Variants in SLC35D2 observed in about 807,000 individuals in gnomAD.
SLC35D2 encodes nucleotide sugar transporter SLC35D2.
In SLC35D2, 43 loss-of-function variants were observed where a neutral mutation model predicts 41.8. That is an observed-to-expected ratio of 1.03 (90% confidence interval 0.81 to 1.33). SLC35D2 has a LOEUF of 1.33. SLC35D2 is among the 40% of genes most tolerant of loss of function. SLC35D2 has a pLI of 0.00. For synonymous variants in SLC35D2, 150 were observed against 163.9 expected (o/e 0.92, Z 0.65); for missense variants, 380 against 408.4 (o/e 0.93, Z 0.60).
intron 4 of SLC35D2, chr9:96,357,635 A>G (rs985935821): frequency 2.0e-5 from 3 of 152,248 alleles, no homozygotes; most frequent in Admixed American, 1.3e-4. Context: ...CTTAGAAGAA[A>G]GTATAGAAGT....
chr9:96,335,453 G>A (rs34496246), intron 9 of SLC35D2, among the ~76,000 whole-genome samples: 20,093 of 152,010 alleles, frequency 0.13, 1,785 homozygotes, highest in East Asian at 0.29. Context: ...TCCACCTCCT[G>A]GGTTCAAGCG....
intron 1 of SLC35D2, among the ~76,000 whole-genome samples, chr9:96,380,623 A>G (rs1001970429): frequency 5.3e-5 from 8 of 150,800 alleles, no homozygotes; most frequent in African/African-American, 1.9e-4. Flanking sequence ...ATGCCCAGCT[A>G]GTTTTTTTTT....
Position 96,324,125 on chromosome 9 carries a change from G to T in SLC35D2, c.797C>A (p.Ser266Ter). 6.2e-7 allele frequency: 1 copy of T among 1,614,008 alleles called. No homozygotes were observed. The highest frequency in any genetic ancestry group is 8.5e-7 in the Non-Finnish European group (1 of 1,179,936). ...TCCAACCACTGCTGTCGTCAGGGCT[G>T]AATTGTAATAGCTGCACAGAACCGT... ...YSTVLCSYYNSALTTAVVGAI... is the reference protein window; with the variant it reads ...YSTVLCSYYN Residue 266 changes from serine to a stop codon, truncating the protein, a stop_gained, in exon 10 of 12, where the codon TCA (serine) becomes TAA (stop). Transcript: ENST00000253270. LOFTEE classifies it high-confidence loss of function.
At chr9:96,348,457 C>CGTGGATGGG (rs1211185820) in intron 6 of SLC35D2, among the ~76,000 whole-genome samples, 1 of 152,158 alleles carries the variant, frequency 6.6e-6, no homozygotes, top group Non-Finnish European at 1.5e-5. Flanking sequence ...GCGTGGATGG[C>CGTGGATGGG]GTGGATGGGG....
intron 8 of SLC35D2, among the ~76,000 whole-genome samples, chr9:96,343,035 C>T (rs1829405675): frequency 6.6e-6 from 1 of 152,190 alleles, no homozygotes; most frequent in African/African-American, 2.4e-5. Context: ...GGTGGAGGTC[C>T]CGCTGAGGAG....
chr9:96,358,105 T>TAC (rs1830115592), intron 4 of SLC35D2, among the ~76,000 whole-genome samples: 4 of 143,540 alleles, frequency 2.8e-5, no homozygotes, highest in Middle Eastern at 3.6e-3. Flanking sequence ...TATATATATA[T>TAC]ATACCTGCAA....
intron 1 of SLC35D2, among the ~76,000 whole-genome samples, chr9:96,376,534 G>A (rs542255951): frequency 3.9e-5 from 6 of 152,274 alleles, no homozygotes; most frequent in Non-Finnish European, 8.8e-5. Context: ...GCTTAAACAC[G>A]GGAGGTGGAG....
chr9:96,372,199 T>A (rs1830728857), intron 1 of SLC35D2, among the ~76,000 whole-genome samples: 1 of 152,166 alleles, frequency 6.6e-6, no homozygotes, highest in South Asian at 2.1e-4. Context: ...TGAAATAAAG[T>A]CTTTAGATCT....
At chr9:96,341,025 C>T (rs1200521613) in intron 8 of SLC35D2, among the ~76,000 whole-genome samples, 2 of 151,906 alleles carry the variant, frequency 1.3e-5, no homozygotes, top group African/African-American at 4.8e-5. Context: ...AGTGGCTCAC[C>T]CCTGTAATCC....
At chr9:96,351,528 A>G (rs34603378) in intron 5 of SLC35D2, among the ~76,000 whole-genome samples, 3,981 of 152,190 alleles carry the variant, frequency 0.026, 78 homozygotes, top group Middle Eastern at 0.055. Context: ...CTGAACCACC[A>G]ACCAAAATTC....
intron 8 of SLC35D2, among the ~76,000 whole-genome samples, chr9:96,342,329 C>T (rs1829367322): frequency 6.6e-6 from 1 of 152,112 alleles, no homozygotes; most frequent in South Asian, 2.1e-4. Flanking sequence ...GGGGTTTCAT[C>T]ACGTTGGCCA....
intron 10 of SLC35D2, among the ~76,000 whole-genome samples, chr9:96,323,480 T>C (rs1828351888): frequency 1.3e-5 from 2 of 152,220 alleles, no homozygotes; most frequent in African/African-American, 2.4e-5. Context: ...ATCTTGCTAA[T>C]CATTGATACC....
chr9:96,319,988 A>C (rs1047080485), downstream of SLC35D2, among the ~76,000 whole-genome samples: 2 of 152,184 alleles, frequency 1.3e-5, no homozygotes, highest in African/African-American at 4.8e-5. Flanking sequence ...TAGAGACAAG[A>C]TTAGTTAGTC....
intron 1 of SLC35D2, among the ~76,000 whole-genome samples, chr9:96,373,378 CT>C (rs1830792181): frequency 6.6e-6 from 1 of 152,058 alleles, no homozygotes; most frequent in Non-Finnish European, 1.5e-5. Context: ...CTGATATGTC[CT>C]TTTTTTCTTT....
chr9:96,330,958 C>A (rs551151146), intron 9 of SLC35D2, among the ~76,000 whole-genome samples: 1 of 152,284 alleles, frequency 6.6e-6, no homozygotes, highest in African/African-American at 2.4e-5. Context: ...AGTGCAATGG[C>A]ACAGCCTCGG....
chr9:96,320,021 G>A (rs1030932973), downstream of SLC35D2, among the ~76,000 whole-genome samples: 9 of 152,324 alleles, frequency 5.9e-5, no homozygotes, highest in African/African-American at 2.2e-4. Flanking sequence ...CCCAGACTGT[G>A]GCTCTATCCC....
At chr9:96,371,720 T>C (rs1456504122) in intron 1 of SLC35D2, among the ~76,000 whole-genome samples, 1 of 62,980 alleles carries the variant, frequency 1.6e-5, no homozygotes, top group African/African-American at 1.3e-4. Flanking sequence ...CTAAATTTCT[T>C]TTTTTTTTTT....
chr9:96,348,934 CAA>C (rs1351832022), intron 6 of SLC35D2, among the ~76,000 whole-genome samples: 2 of 151,992 alleles, frequency 1.3e-5, no homozygotes, highest in African/African-American at 4.8e-5. Flanking sequence ...CCATTTTTTG[CAA>C]AAGTCTTTAA....
At chr9:96,359,155 T>G (rs1018419869) in intron 4 of SLC35D2, among the ~76,000 whole-genome samples, 1 of 151,692 alleles carries the variant, frequency 6.6e-6, no homozygotes, top group Admixed American at 6.6e-5. Flanking sequence ...ATACAAAAAA[T>G]TAGCCGGGCA....
Sources: allele counts gnomAD v4.1 joint callset (sites outside exome capture counted in the v4.1 genomes callset), GRCh38; gene constraint gnomAD v4.1.1; transcripts MANE v1.5; gene names NCBI Gene and HGNC (gene_info 2026-07-23, HGNC 2026-07-21).